PRKACB: variants seen among roughly 807,000 people sequenced by gnomAD.
PRKACB encodes the protein cAMP-dependent protein kinase catalytic subunit beta.
In PRKACB, 16 loss-of-function variants were observed where a neutral mutation model predicts 51.4. The ratio of observed to expected loss-of-function variants is 0.31; its 90% CI spans 0.21 to 0.47. PRKACB has a LOEUF of 0.47. Among genes scored for constraint, PRKACB ranks in the 20% least tolerant of loss-of-function variants. PRKACB has a pLI of 1.00. For missense variants in PRKACB, 309 were observed against 464.5 expected (o/e 0.67, Z 3.08); for synonymous variants, 147 against 154.4 (o/e 0.95, Z 0.35).
At chr1:84,094,632 CA>C (rs1648786608) in intron 1 of PRKACB, among the ~76,000 whole-genome samples, 2 of 151,950 alleles carry the variant, frequency 1.3e-5, no homozygotes, top group Non-Finnish European at 2.9e-5. Flanking sequence ...TAGCCATATA[CA>C]GTAGTCATTT....
At chr1:84,091,636 C>G (rs1325543102) in intron 1 of PRKACB, among the ~76,000 whole-genome samples, 1 of 152,004 alleles carries the variant, frequency 6.6e-6, no homozygotes, top group Non-Finnish European at 1.5e-5. Flanking sequence ...TCCTGAGTAG[C>G]TGGGACTACA....
At chr1:84,094,825 A>G (rs972121703) in intron 1 of PRKACB, among the ~76,000 whole-genome samples, 6 of 151,988 alleles carry the variant, frequency 3.9e-5, no homozygotes, top group African/African-American at 1.4e-4. Flanking sequence ...GTGTGATTCA[A>G]TATTATTTTT....
At chr1:84,183,506 TACTC>T (rs1243005791) in intron 3 of PRKACB, among the ~76,000 whole-genome samples, 1 of 151,768 alleles carries the variant, frequency 6.6e-6, no homozygotes, top group Non-Finnish European at 1.5e-5. Context: ...TGTTCATTTT[TACTC>T]ACTATTTTTC....
chr1:84,154,754 A>G (rs1445936617), intron 1 of PRKACB, among the ~76,000 whole-genome samples: 3 of 152,174 alleles, frequency 2.0e-5, no homozygotes, highest in Admixed American at 2.0e-4. Context: ...AACATATGTG[A>G]TACACTATTA....
At chr1:84,124,632 C>T (rs12723299) in intron 1 of PRKACB, among the ~76,000 whole-genome samples, 75,148 of 151,992 alleles carry the variant, frequency 0.49, 19,042 homozygotes, top group Non-Finnish European at 0.56. Context: ...CAGTCAAATG[C>T]CTGAGGTTCG....
chr1:84,167,689 T>C (rs1657973044), intron 1 of PRKACB, among the ~76,000 whole-genome samples: 2 of 151,628 alleles, frequency 1.3e-5, no homozygotes, highest in African/African-American at 2.4e-5. Flanking sequence ...TAAATACTTA[T>C]AGAATTAATG....
At chr1:84,227,519 G>C (rs984351130) in intron 9 of PRKACB, among the ~76,000 whole-genome samples, 3 of 152,088 alleles carry the variant, frequency 2.0e-5, no homozygotes, top group Non-Finnish European at 2.9e-5. Context: ...CCAAATAGCA[G>C]TCATTTACTT....
intron 1 of PRKACB, among the ~76,000 whole-genome samples, chr1:84,135,843 A>G (rs1437816439): frequency 6.6e-6 from 1 of 152,090 alleles, no homozygotes; most frequent in Non-Finnish European, 1.5e-5. Flanking sequence ...AAAAAGTTCT[A>G]CCTTAGAAAA....
chr1:84,105,975 A>G (rs1649709016), intron 1 of PRKACB, among the ~76,000 whole-genome samples: 1 of 131,448 alleles, frequency 7.6e-6, no homozygotes. Context: ...AATCAACAAA[A>G]CAATAATAAA....
chr1:84,081,876 C>A (rs1647563732), intron 1 of PRKACB, among the ~76,000 whole-genome samples: 1 of 152,104 alleles, frequency 6.6e-6, no homozygotes, highest in Non-Finnish European at 1.5e-5. Context: ...ACCATGTGAC[C>A]TAGTGTTCGC....
At chr1:84,092,280 GT>G (rs1224071101) in intron 1 of PRKACB, among the ~76,000 whole-genome samples, 2 of 152,088 alleles carry the variant, frequency 1.3e-5, no homozygotes, top group African/African-American at 4.8e-5. Context: ...ACTGCATCAT[GT>G]TTTCCTTTGT....
intron 1 of PRKACB, among the ~76,000 whole-genome samples, chr1:84,156,508 A>G (rs992778028): frequency 6.6e-6 from 1 of 152,108 alleles, no homozygotes; most frequent in African/African-American, 2.4e-5. Flanking sequence ...ATTTATACTC[A>G]TATGCTTAGT....
At position 84,175,885 on chromosome 1, in the gene PRKACB, G is replaced by A. The variant is rs917664041; in HGVS notation, c.188-3292G>A. 17 of 1,136,044 alleles carry A rather than the reference G, an allele frequency of 1.5e-5. No homozygotes were observed. The African/African-American group carries it at 2.7e-4, about 18-fold the overall frequency. The allele number at this position is 1,136,044 out of a possible 1,614,324, so 70.4% of individuals were successfully genotyped here. ...ACAGAAAAAATATATAATTGAAAATGTATACTTTTGGGAATAAATTAATTT... is the reference window on the plus strand; with the variant it reads ...ACAGAAAAAATATATAATTGAAAATATATACTTTTGGGAATAAATTAATTT... On this transcript the variant is annotated intron_variant, in intron 1 of 9. Transcript: ENST00000370685.
At chr1:84,124,560 G>C (rs142701223) in intron 1 of PRKACB, among the ~76,000 whole-genome samples, 106 of 152,324 alleles carry the variant, frequency 7.0e-4, no homozygotes, top group African/African-American at 2.4e-3. Context: ...TAATGTTGCT[G>C]TCTGAGCCTA....
At chr1:84,079,535 T>A (rs1647356709) in intron 1 of PRKACB, among the ~76,000 whole-genome samples, 1 of 152,232 alleles carries the variant, frequency 6.6e-6, no homozygotes, top group Non-Finnish European at 1.5e-5. Context: ...GGTTTATGTT[T>A]CATCAGTAAG....
chr1:84,121,601 G>C (rs1651080463), intron 1 of PRKACB, among the ~76,000 whole-genome samples: 1 of 152,120 alleles, frequency 6.6e-6, no homozygotes, highest in Non-Finnish European at 1.5e-5. Context: ...GGAGAGAAAA[G>C]AGACAGCAAT....
intron 1 of PRKACB, among the ~76,000 whole-genome samples, chr1:84,081,623 G>T (rs1186544438): frequency 6.6e-6 from 1 of 151,430 alleles, no homozygotes; most frequent in Admixed American, 6.6e-5. Context: ...AGTTAAGTTT[G>T]TTTTACTTAT....
intron 1 of PRKACB, among the ~76,000 whole-genome samples, chr1:84,096,394 G>A (rs1648929768): frequency 6.6e-6 from 1 of 152,104 alleles, no homozygotes; most frequent in Non-Finnish European, 1.5e-5. Context: ...AGAAAAAGTA[G>A]TACAGAATGT....
At chr1:84,232,526 A>G (rs995603374) in intron 9 of PRKACB, among the ~76,000 whole-genome samples, 1 of 152,164 alleles carries the variant, frequency 6.6e-6, no homozygotes, top group African/African-American at 2.4e-5. Context: ...AAAGTCTCCC[A>G]TTATTAATGT....
Sources: gnomAD v4.1 joint callset for allele counts (sites outside exome capture counted in the v4.1 genomes callset) on GRCh38, gnomAD v4.1.1 for gene constraint, MANE v1.5 for transcripts, NCBI Gene and HGNC (gene_info 2026-07-23, HGNC 2026-07-21) for gene names.